PTPRM: variants seen among roughly 807,000 people sequenced by gnomAD.
PTPRM encodes the protein protein tyrosine phosphatase receptor type M.
A neutral mutation model predicts 186.7 loss-of-function variants in PTPRM; 47 were observed. The observed-to-expected ratio is 0.25, with a 90% CI of 0.20 to 0.32. The LOEUF (loss-of-function observed/expected upper bound fraction) is 0.32. Among genes scored for constraint, PTPRM ranks in the 10% least tolerant of loss-of-function variants. PTPRM has a pLI of 1.00. For missense variants in PTPRM, 1,494 were observed against 1,865.0 expected (o/e 0.80, Z 3.66); for synonymous variants, 668 against 674.9 (o/e 0.99, Z 0.16).
chr18:8,097,286 G>A (rs1412357713), intron 11 of PTPRM, among the ~76,000 whole-genome samples: 1 of 152,140 alleles, frequency 6.6e-6, no homozygotes, highest in Non-Finnish European at 1.5e-5. Flanking sequence ...AGAAAGATTA[G>A]GGAGTGGTTT....
chr18:8,128,187 A>G lies in PTPRM; in HGVS notation c.2167+13360A>G, dbSNP rs529645731. Among the ~76,000 whole-genome samples the G allele has an allele frequency of 2.6e-5, 4 of 152,312 alleles. No homozygotes were observed. The East Asian group carries it at 7.7e-4, about 29-fold the overall frequency. ...GCTAAACTCTTCATTTAAGCAGATA[A>G]CCAACTGATTGAAAGTAGTGGCTAA... On this transcript the variant is annotated intron_variant, in intron 13 of 32. Coordinates refer to ENST00000580170, the MANE Select transcript of PTPRM (RefSeq NM_001105244.2).
At chr18:8,139,200 A>G (rs570368828) in intron 13 of PTPRM, among the ~76,000 whole-genome samples, 32 of 152,266 alleles carry the variant, frequency 2.1e-4, no homozygotes, top group Admixed American at 5.9e-4. Context: ...CTCCTCCTGC[A>G]GTTCTCGCCC....
intron 14 of PTPRM, among the ~76,000 whole-genome samples, chr18:8,146,531 T>C (rs1185105298): frequency 2.0e-5 from 3 of 152,032 alleles, no homozygotes; most frequent in Non-Finnish European, 4.4e-5. Flanking sequence ...TTGTTTAAGT[T>C]CTTTGTAGGT....
At chr18:8,276,106 G>C (rs1210899525) in intron 19 of PTPRM, among the ~76,000 whole-genome samples, 2 of 151,884 alleles carry the variant, frequency 1.3e-5, no homozygotes, top group African/African-American at 4.8e-5. Flanking sequence ...CTTTAGGTTG[G>C]TTCCACTAGG....
At chr18:8,191,555 C>T (rs758893841) in intron 14 of PTPRM, among the ~76,000 whole-genome samples, 2 of 151,900 alleles carry the variant, frequency 1.3e-5, no homozygotes, top group Non-Finnish European at 2.9e-5. Flanking sequence ...TTCTGTGTAA[C>T]GAAAAAGGGG....
chr18:8,241,931 G>A (rs1483525263), intron 14 of PTPRM, among the ~76,000 whole-genome samples: 2 of 152,210 alleles, frequency 1.3e-5, no homozygotes, highest in East Asian at 3.9e-4. Context: ...CTTCTTTTGT[G>A]CTTAAAGATC....
intron 2 of PTPRM, among the ~76,000 whole-genome samples, chr18:7,841,536 C>T (rs1455059343): frequency 6.6e-6 from 1 of 151,982 alleles, no homozygotes; most frequent in East Asian, 1.9e-4. Flanking sequence ...CTTCGTGATC[C>T]ACCCGCCTCA....
At chr18:8,015,042 G>A (rs951414141) in intron 7 of PTPRM, among the ~76,000 whole-genome samples, 7 of 152,106 alleles carry the variant, frequency 4.6e-5, no homozygotes, top group East Asian at 1.9e-4. Flanking sequence ...TTCAGGAGTA[G>A]CCTCCTTTCA....
At chr18:8,154,169 T>C (rs1429263534) in intron 14 of PTPRM, among the ~76,000 whole-genome samples, 1 of 152,036 alleles carries the variant, frequency 6.6e-6, no homozygotes, top group East Asian at 1.9e-4. Flanking sequence ...CAGGAGGCCC[T>C]CAATTAAAAG....
At chr18:8,298,739 A>G (rs1368409804) in intron 20 of PTPRM, among the ~76,000 whole-genome samples, 4 of 152,222 alleles carry the variant, frequency 2.6e-5, no homozygotes, top group Non-Finnish European at 5.9e-5. Context: ...TTCACGGTTA[A>G]TAAGGTATGG....
intron 13 of PTPRM, among the ~76,000 whole-genome samples, chr18:8,118,872 CT>C (rs1460962269): frequency 1.4e-5 from 2 of 146,984 alleles, no homozygotes; most frequent in African/African-American, 5.0e-5. Flanking sequence ...AGCTCATCAG[CT>C]GTTGTTAGTG....
At chr18:8,019,811 TAATA>T (rs1049817592) in intron 7 of PTPRM, among the ~76,000 whole-genome samples, 5 of 147,796 alleles carry the variant, frequency 3.4e-5, no homozygotes, top group South Asian at 4.2e-4. Context: ...ATAATATAAA[TAATA>T]TTTATTTATA....
At chr18:7,912,754 C>T (rs1052137651) in intron 4 of PTPRM, among the ~76,000 whole-genome samples, 10 of 151,328 alleles carry the variant, frequency 6.6e-5, no homozygotes, top group South Asian at 2.1e-4. Flanking sequence ...CTCGTGACCT[C>T]GTGATCCGCC....
intron 15 of PTPRM, among the ~76,000 whole-genome samples, chr18:8,247,226 G>T (rs1385247222): frequency 1.3e-5 from 2 of 152,118 alleles, no homozygotes; most frequent in Non-Finnish European, 2.9e-5. Flanking sequence ...AATTGGATGG[G>T]ATTGACTATC....
rs75409969 is a variant in PTPRM, at chr18:8,286,537, A to G, written c.2755-9831A>G. Among the ~76,000 whole-genome samples the G allele has an allele frequency of 7.5e-3, 1,143 of 152,340 alleles. 40 individuals carry two copies. The South Asian group carries it at 0.1, about 14-fold the overall frequency. ...AAGGCTGACTGCCAAGGCTTCCCTT[A>G]CAAGAAGTAATCCATGTGATCTAAA... On this transcript the variant is annotated intron_variant, in intron 19 of 32. Transcript: ENST00000580170.
At chr18:8,081,495 G>A (rs1361429410) in intron 9 of PTPRM, among the ~76,000 whole-genome samples, 1 of 152,208 alleles carries the variant, frequency 6.6e-6, no homozygotes, top group Non-Finnish European at 1.5e-5. Context: ...CTGCTGTACT[G>A]AAGTACTTAA....
intron 22 of PTPRM, among the ~76,000 whole-genome samples, chr18:8,336,695 A>AGGTAAG (rs75854898): frequency 6.6e-6 from 1 of 150,792 alleles, no homozygotes. Context: ...AGAGAGGGGA[A>AGGTAAG]GGAAAGGGAA....
chr18:8,140,222 C>A (rs75670809), intron 13 of PTPRM, among the ~76,000 whole-genome samples: 1,522 of 152,168 alleles, frequency 0.01, 15 homozygotes, highest in Non-Finnish European at 0.016. Context: ...GCCTTCTGGG[C>A]TTGTACCCTT....
intron 1 of PTPRM, among the ~76,000 whole-genome samples, chr18:7,643,505 A>G (rs2038492802): frequency 6.6e-6 from 1 of 151,762 alleles, no homozygotes; most frequent in Admixed American, 6.6e-5. Flanking sequence ...ATGCCTGGCT[A>G]ATTTTTTTGT....
Sources: allele counts gnomAD v4.1 joint callset (sites outside exome capture counted in the v4.1 genomes callset), GRCh38; gene constraint gnomAD v4.1.1; transcripts MANE v1.5; gene names NCBI Gene and HGNC (gene_info 2026-07-23, HGNC 2026-07-21).